Variants in MYH2 observed in about 807,000 individuals in gnomAD.
MYH2 encodes myosin-2.
Under a neutral mutation model 228.1 loss-of-function variants are expected in MYH2, and 139 were observed. That is an observed-to-expected ratio of 0.61 (90% confidence interval 0.53 to 0.70). The LOEUF is 0.70. Among genes scored for constraint, MYH2 ranks in the 30% least tolerant of loss-of-function variants. The probability of loss-of-function intolerance (pLI) is 0.00; values close to 1 mark genes in which losing one functional copy is unlikely to be tolerated. For missense variants in MYH2, 1,809 were observed against 2,357.5 expected (o/e 0.77, Z 4.82); for synonymous variants, 796 against 871.1 (o/e 0.91, Z 1.52).
At chr17:10,528,010 T>C in intron 27 of MYH2, 136 bp from the exon 28 acceptor site, 3 of 1,090,932 alleles carry the variant, frequency 2.7e-6, no homozygotes, top group Non-Finnish European at 3.9e-6. Context: ...CAAATTATCT[T>C]ATATGTAATG....
At chr17:10,547,692 G>A in intron 3 of MYH2, 25 bp downstream of exon 3, 1 of 1,614,128 alleles carries the variant, frequency 6.2e-7, no homozygotes, top group Non-Finnish European at 8.5e-7. Context: ...AATAAAATGT[G>A]GCAAGCTCCT....
Position 10,526,786 on chromosome 17 carries a change from C to T in MYH2, c.4000G>A (p.Ala1334Thr), listed in dbSNP as rs779257410. ...QLEEEIKAKNALAHALQSSRH... is the reference protein window; with the variant it reads ...QLEEEIKAKNTLAHALQSSRH... ...GAAGACTGCAGGGCATGCGCCAGGGCGTTCTTGGCCTATGGAGGCAGTTAC... is the reference window on the plus strand; with the variant it reads ...GAAGACTGCAGGGCATGCGCCAGGGTGTTCTTGGCCTATGGAGGCAGTTAC... The change falls in exon 30 of 40, where the codon GCC becomes ACC. Residue 1334 changes from alanine (A) to threonine (T), a missense_variant. Physicochemically the swap from Ala to Thr is moderately conservative, Grantham distance 58. Coordinates refer to ENST00000245503, the MANE Select transcript of MYH2 (RefSeq NM_017534.6). 10 of 1,614,202 alleles carry T rather than the reference C, an allele frequency of 6.2e-6. No individual in the cohort carries two copies. The highest frequency in any genetic ancestry group is 2.2e-5 in the East Asian group (1 of 44,880).
At chr17:10,523,729 A>T in intron 36 of MYH2, 30 bp downstream of exon 36, 1 of 1,614,234 alleles carries the variant, frequency 6.2e-7, no homozygotes, top group Non-Finnish European at 8.5e-7. Context: ...CTTACTGCTA[A>T]ATCAGTGGAC....
At chr17:10,535,398 G>T in intron 17 of MYH2, 33 bp from the exon 18 acceptor site, 1 of 1,569,918 alleles carries the variant, frequency 6.4e-7, no homozygotes, top group Non-Finnish European at 8.8e-7. Context: ...GTCATTTTAG[G>T]CTCTAGACAT....
At position 10,529,871 on chromosome 17, in the gene MYH2, C is replaced by T; in HGVS notation, c.2901G>A (p.Leu967=). Residue 967 remains leucine, a synonymous_variant, in exon 23 of 40, where the codon CTG becomes CTA. Coordinates refer to ENST00000245503, the MANE Select transcript of MYH2 (RefSeq NM_017534.6). ...CATGTTTCTCCTTCTCAACCTTGGC[C>T]AGTGTCAGCTCAAGGTCATCAATGT... ...KKDIDDLELT[L]AKVEKEKHAT... is the part of the protein sequence containing the mutation. 9 of 1,613,746 alleles carry T rather than the reference C, an allele frequency of 5.6e-6. No individual in the cohort carries two copies. The highest frequency in any genetic ancestry group is 6.8e-6 in the Non-Finnish European group (8 of 1,179,812).
chr17:10,544,630 A>G (rs1451423425), intron 5 of MYH2, among the ~76,000 whole-genome samples: 2 of 152,216 alleles, frequency 1.3e-5, no homozygotes, highest in African/African-American at 4.8e-5. Flanking sequence ...AGTAAAGGTG[A>G]TAGTTTTAGA....
Position 10,525,978 on chromosome 17 carries a change from G to T in MYH2, c.4188-102C>A. On this transcript the variant is annotated intron_variant, in intron 30 of 39. Transcript: ENST00000245503. The surrounding 1 kb of genome is among the most constrained non-coding windows in gnomAD (Gnocchi z 4.2). ...GTGTTAGAAACTTCACATTAATGCT[G>T]CCCAGCCACCTTTCATTCTTTCAAC... 7.8e-7 allele frequency: 1 copy of T among 1,286,582 alleles called. No homozygotes were observed. The highest frequency in any genetic ancestry group is 1.1e-6 in the Non-Finnish European group (1 of 919,098). 79.7% of individuals were successfully genotyped at this position (1,286,582 alleles called of 1,614,324 possible). A position where few individuals can be genotyped will look rare whatever the true frequency, so the allele number is the denominator to read the frequency against.
chr17:10,548,081 C>A, intron 2 of MYH2, 141 bp from the exon 3 acceptor site: 1 of 745,890 alleles, frequency 1.3e-6, no homozygotes, highest in Non-Finnish European at 2.2e-6. Context: ...GTTACTGAGA[C>A]AAACATAATC....
Position 10,523,557 on chromosome 17 carries a change from T to A in MYH2, c.5411A>T (p.Asp1804Val). The A allele has an allele frequency of 6.2e-7, 1 of 1,614,204 alleles. No homozygotes were observed. Among genetic ancestry groups the A allele is most frequent in the Non-Finnish European group, 8.5e-7 (1 of 1,180,038 alleles). The change falls in exon 37 of 40, where the codon GAT becomes GTT. Residue 1804 changes from aspartate to valine, a missense_variant. Asp to Val is a radical substitution (Grantham distance 152). This residue lies in a region of MYH2 where 278 missense variants were observed against 308.5 expected (regional missense o/e 0.90). Coordinates refer to ENST00000245503, the MANE Select transcript of MYH2 (RefSeq NM_017534.6). ...QTVKDLQLRL[D>V]EAEQLALKGG... ...CTTCAGGGCCAGCTGCTCAGCCTCA[T>A]CCAGACGGAGCTGCAGATCCTTCAC... is the stretch of plus-strand genomic sequence containing the variant.
chr17:10,542,226 A>G (rs918311901), intron 10 of MYH2, among the ~76,000 whole-genome samples: 2 of 152,160 alleles, frequency 1.3e-5, no homozygotes, highest in African/African-American at 4.8e-5. Context: ...GTGAGCTGAG[A>G]TTTCGCCATT....
At position 10,523,197 on chromosome 17, in the gene MYH2, T is replaced by C. The variant is rs1256307882; in HGVS notation, c.5578-12A>G. 4 of 1,611,668 alleles carry C rather than the reference T, an allele frequency of 2.5e-6. No individual in the cohort carries two copies. Among genetic ancestry groups the C allele is most frequent in the Non-Finnish European group, 3.4e-6 (4 of 1,177,846 alleles). On this transcript the variant is annotated splice_polypyrimidine_tract_variant and intron_variant, in intron 38 of 39. Coordinates refer to ENST00000245503, the MANE Select transcript of MYH2 (RefSeq NM_017534.6). The stretch of plus-strand genomic sequence containing the variant: ...CTATCTTCTTCCGTCTGAAAGATTA[T>C]AAAAAGTCCAGGACCTTAATTACTA...
rs780065259 is a variant in MYH2 at position 10,523,406 on chromosome 17, C to T, written c.5479G>A (p.Glu1827Lys). 1.9e-6 allele frequency: 3 copies of T among 1,614,188 alleles called. No individual in the cohort carries two copies. Among genetic ancestry groups the T allele is most frequent in the Non-Finnish European group, 8.5e-7 (1 of 1,180,038 alleles). Reference protein sequence around the residue: ...QIQKLEARVRELEGEVESEQK... With the variant: ...QIQKLEARVRKLEGEVESEQK... ...TCACTCTCAACCTCTCCTTCCAGCT[C>T]CCGTACCTGCAAATAAGTAGGCTCT... The change falls in exon 38 of 40, where the codon GAG becomes AAG. Residue 1827 changes from glutamate to lysine, a missense_variant. Glu to Lys is a moderately conservative substitution (Grantham distance 56). Coordinates refer to ENST00000245503, the MANE Select transcript of MYH2 (RefSeq NM_017534.6).
intron 5 of MYH2, among the ~76,000 whole-genome samples, 155 bp from the exon 6 acceptor site, chr17:10,544,282 C>T (rs1355667606): frequency 6.6e-6 from 1 of 152,212 alleles, no homozygotes; most frequent in Non-Finnish European, 1.5e-5. Flanking sequence ...CCCTCCCCAA[C>T]TTTAGCACAC....
At chr17:10,541,704 T>C (rs1003429633) in intron 10 of MYH2, among the ~76,000 whole-genome samples, 4 of 152,170 alleles carry the variant, frequency 2.6e-5, no homozygotes, top group Admixed American at 2.6e-4. Flanking sequence ...TTGGGGGGCA[T>C]CACAGAATCT....
chr17:10,546,672 T>A (rs924399001), intron 4 of MYH2, among the ~76,000 whole-genome samples: 1 of 151,010 alleles, frequency 6.6e-6, no homozygotes, highest in African/African-American at 2.4e-5. Context: ...CTTGGGGAAG[T>A]GGGAGAGGTT....
At position 10,521,369 on chromosome 17, in the gene MYH2, C is replaced by T. The variant is rs1350545511; in HGVS notation, c.5737G>A (p.Glu1913Lys). 1.4e-5 allele frequency: 23 copies of T among 1,614,010 alleles called. No homozygotes were observed. The highest frequency in any genetic ancestry group is 2.2e-5 in the East Asian group (1 of 44,874). Residue 1913 changes from glutamate (E) to lysine (K), a missense_variant, in exon 40 of 40, where the codon GAG becomes AAG. Physicochemically the swap from Glu to Lys is moderately conservative, Grantham distance 56 (BLOSUM62 1). Around this residue, in one of 9 missense-constraint regions of MYH2, gnomAD observed 278 missense variants for 308.5 expected, o/e 0.90. Coordinates refer to ENST00000245503, the MANE Select transcript of MYH2 (RefSeq NM_017534.6). ...GACTCAGCAATGTCAGCCCGTTCCT[C>T]GGCCTCCTCCAGCTCATGCTGGAGC... ...RKLQHELEEAEERADIAESQV... is the reference protein window; with the variant it reads ...RKLQHELEEAKERADIAESQV...
Position 10,528,983 on chromosome 17 carries a change from C to T in MYH2, c.3451G>A (p.Glu1151Lys). 6.2e-7 allele frequency: 1 copy of T among 1,614,188 alleles called. No individual in the cohort carries two copies. Residue 1151 changes from glutamate (E) to lysine (K), a missense_variant, in exon 27 of 40, where the codon GAG becomes AAG. Around this residue, in one of 9 missense-constraint regions of MYH2, gnomAD observed 636 missense variants for 729.9 expected, o/e 0.87. Transcript: ENST00000245503. ...QRSDLSRELE[E>K]ISERLEEAGG... Reference sequence around the variant, plus strand: ...GCTTCTTCCAGCCTCTCGCTGATCTCCTCCAGCTCCCGGGAGAGGTCAGAG... The same window carrying T: ...GCTTCTTCCAGCCTCTCGCTGATCTTCTCCAGCTCCCGGGAGAGGTCAGAG...
In MYH2 at chr17:10,532,883, A is replaced by G. The variant is rs144670366; in HGVS notation, c.2441+402T>C. On this transcript the variant is annotated intron_variant, in intron 21 of 39. Coordinates refer to ENST00000245503, the MANE Select transcript of MYH2 (RefSeq NM_017534.6). Reference sequence around the variant, plus strand: ...TAAATCATGAGAGTTTGATAATATAAATGATCAGAGGGAAAAAGTTGTCTC... The same window carrying G: ...TAAATCATGAGAGTTTGATAATATAGATGATCAGAGGGAAAAAGTTGTCTC... Among the ~76,000 whole-genome samples the G allele has an allele frequency of 2.0e-4, 31 of 152,336 alleles. No individual in the cohort carries two copies. The East Asian group carries it at 5.8e-3, about 28-fold the overall frequency.
At position 10,545,332 on chromosome 17, in the gene MYH2, T is replaced by C. The variant is rs762066370; in HGVS notation, c.505+14A>G. ...TAAAGGTTTACGCACTTGCAAAGCA[T>C]TCGGCTCACTCACCAGTCAGCATGA... On this transcript the variant is annotated intron_variant, in intron 5 of 39. Coordinates refer to ENST00000245503, the MANE Select transcript of MYH2 (RefSeq NM_017534.6). 5.0e-6 allele frequency: 8 copies of C among 1,613,026 alleles called. No homozygotes were observed. The highest frequency in any genetic ancestry group is 1.7e-5 in the Admixed American group (1 of 59,982).
Sources: gnomAD v4.1 joint callset for allele counts (sites outside exome capture counted in the v4.1 genomes callset) on GRCh38, gnomAD v4.1.1 for gene constraint, gnomAD v4.1.1 regional missense constraint, Gnocchi (gnomAD v3.1) non-coding constraint, MANE v1.5 for transcripts, NCBI Gene and HGNC (gene_info 2026-07-23, HGNC 2026-07-21) for gene names.